The following ANGPT1 variants were observed in gnomAD, a reference collection of about 807,000 sequenced individuals.
ANGPT1 encodes angiopoietin 1, also known as angiopoietin-1.
In ANGPT1, 17 loss-of-function variants were observed where a neutral mutation model predicts 62.2. The observed-to-expected ratio is 0.27, with a 90% CI of 0.19 to 0.41. ANGPT1 has a LOEUF of 0.41. Among genes scored for constraint, ANGPT1 ranks in the 10% least tolerant of loss-of-function variants. ANGPT1 has a pLI of 1.00. For synonymous variants in ANGPT1, 199 were observed against 198.9 expected (o/e 1.00, Z 0.00); for missense variants, 478 against 594.9 (o/e 0.80, Z 2.04).
At chr8:107,431,167 A>G (rs1015613334) in intron 1 of ANGPT1, among the ~76,000 whole-genome samples, 6 of 152,208 alleles carry the variant, frequency 3.9e-5, no homozygotes, top group African/African-American at 1.4e-4. Context: ...TGTGAGAGAG[A>G]GACAGTGTGT....
Position 107,284,694 on chromosome 8 carries a change from T to C in ANGPT1, c.1193A>G (p.Lys398Arg). The C allele has an allele frequency of 2.5e-6, 4 of 1,576,666 alleles. No homozygotes were observed. The highest frequency in any genetic ancestry group is 3.5e-6 in the Non-Finnish European group (4 of 1,157,522). Residue 398 changes from lysine to arginine, a missense_variant, in exon 7 of 9, where the codon AAG becomes AGG. Lys to Arg is a conservative substitution (Grantham distance 26, BLOSUM62 2). Coordinates refer to ENST00000517746, the MANE Select transcript of ANGPT1 (RefSeq NM_001146.5). ...TAGCATGACTTACCTATAGTTTTGCTTTTCATTTCCTATGTGGAATCTGTC... is the reference window on the plus strand; with the variant it reads ...TAGCATGACTTACCTATAGTTTTGCCTTTCATTTCCTATGTGGAATCTGTC... ...QYDRFHIGNE[K>R]QNYRLYLKGH...
At chr8:107,442,651 T>C (rs536150452) in intron 1 of ANGPT1, among the ~76,000 whole-genome samples, 1 of 152,202 alleles carries the variant, frequency 6.6e-6, no homozygotes, top group Non-Finnish European at 1.5e-5. Context: ...ACTCCGTATC[T>C]TCTACCTTCC....
At chr8:107,295,391 T>C (rs1430302706) in intron 5 of ANGPT1, 3 of 152,156 alleles carry the variant, frequency 2.0e-5, no homozygotes. Context: ...AGCTACACTT[T>C]TATTTTCCGT....
chr8:107,469,415 T>C (rs565200699), intron 1 of ANGPT1, among the ~76,000 whole-genome samples: 1 of 152,120 alleles, frequency 6.6e-6, no homozygotes, highest in African/African-American at 2.4e-5. Context: ...TCTAGTGCTT[T>C]ACCACAATGC....
At chr8:107,277,357 T>C (rs896147103) in intron 7 of ANGPT1, among the ~76,000 whole-genome samples, 1 of 152,180 alleles carries the variant, frequency 6.6e-6, no homozygotes, top group African/African-American at 2.4e-5. Context: ...TTTATATAGT[T>C]TTCTTTTAAC....
intron 3 of ANGPT1, among the ~76,000 whole-genome samples, chr8:107,334,971 C>T (rs1410754034): frequency 6.6e-6 from 1 of 152,146 alleles, no homozygotes; most frequent in African/African-American, 2.4e-5. Context: ...GCATGAGTGA[C>T]CCCTTTCAGA....
intron 7 of ANGPT1, among the ~76,000 whole-genome samples, chr8:107,264,612 G>T (rs1334391310): frequency 2.0e-5 from 3 of 152,106 alleles, no homozygotes; most frequent in Non-Finnish European, 4.4e-5. Flanking sequence ...TGGGTTTATT[G>T]TATTAATACA....
At chr8:107,327,725 C>T (rs550625408) in intron 3 of ANGPT1, among the ~76,000 whole-genome samples, 31 of 152,016 alleles carry the variant, frequency 2.0e-4, no homozygotes, top group Non-Finnish European at 3.8e-4. Flanking sequence ...TCCTGTTTCC[C>T]GTCTTTCTGG....
rs540797543 is a variant in ANGPT1, at chr8:107,378,509, T to C, written c.298-31412A>G. Among the ~76,000 whole-genome samples the C allele has an allele frequency of 7.9e-5, 12 of 152,302 alleles. No homozygotes were observed. The South Asian group carries it at 1.9e-3, about 24-fold the overall frequency. On this transcript the variant is annotated intron_variant, in intron 1 of 8. Transcript: ENST00000517746. Reference sequence around the variant, plus strand: ...TATGTTTATGTTTATACACACACCATATATACCTAACTATACTCTATGTAC... The same window carrying C: ...TATGTTTATGTTTATACACACACCACATATACCTAACTATACTCTATGTAC...
At chr8:107,330,980 G>A (rs957841501) in intron 3 of ANGPT1, among the ~76,000 whole-genome samples, 2 of 152,100 alleles carry the variant, frequency 1.3e-5, no homozygotes, top group Non-Finnish European at 2.9e-5. Flanking sequence ...ACAAGAAAAA[G>A]ACTAGAATAA....
At chr8:107,478,889 T>C (rs1812603599) in intron 1 of ANGPT1, among the ~76,000 whole-genome samples, 1 of 152,088 alleles carries the variant, frequency 6.6e-6, no homozygotes, top group African/African-American at 2.4e-5. Flanking sequence ...TGGTTCATAC[T>C]AAGTGCCCAA....
chr8:107,486,779 C>T (rs541716370), intron 1 of ANGPT1, among the ~76,000 whole-genome samples: 1 of 152,282 alleles, frequency 6.6e-6, no homozygotes, highest in African/African-American at 2.4e-5. Flanking sequence ...CACTTCATCA[C>T]TGGGCTGTAC....
intron 1 of ANGPT1, among the ~76,000 whole-genome samples, chr8:107,351,235 T>C (rs968030902): frequency 6.6e-6 from 1 of 151,930 alleles, no homozygotes; most frequent in Non-Finnish European, 1.5e-5. Context: ...AATAAATGAT[T>C]ACTTTCAAGC....
intron 1 of ANGPT1, among the ~76,000 whole-genome samples, chr8:107,470,124 A>T (rs1812310574): frequency 6.6e-6 from 1 of 151,986 alleles, no homozygotes; most frequent in African/African-American, 2.4e-5. Context: ...ATCTGATGTA[A>T]TATTTTTAAA....
intron 7 of ANGPT1, among the ~76,000 whole-genome samples, chr8:107,269,422 T>C (rs1406394949): frequency 6.6e-6 from 1 of 152,104 alleles, no homozygotes; most frequent in Admixed American, 6.6e-5. Context: ...AACTATCATC[T>C]GTGGCTTTCT....
chr8:107,452,771 A>G (rs1811813635), intron 1 of ANGPT1, among the ~76,000 whole-genome samples: 1 of 151,976 alleles, frequency 6.6e-6, no homozygotes, highest in South Asian at 2.1e-4. Context: ...TGGAGATAAT[A>G]ATTTTTATTT....
At position 107,453,312 on chromosome 8, in the gene ANGPT1, C is replaced by T. The variant is rs185604171; in HGVS notation, c.297+43950G>A. Among the ~76,000 whole-genome samples the T allele has an allele frequency of 6.9e-3, 1,044 of 152,076 alleles. 18 individuals carry two copies. Among genetic ancestry groups the T allele is most frequent in the Non-Finnish European group, 6.7e-3 (453 of 67,952 alleles). The stretch of plus-strand genomic sequence containing the variant: ...TTTTAAGTTTATATTAGTCTGTTTT[C>T]ATGCTGCTGATAGAGACATACCTGA... On this transcript the variant is annotated intron_variant, in intron 1 of 8. Coordinates refer to ENST00000517746, the MANE Select transcript of ANGPT1 (RefSeq NM_001146.5).
intron 1 of ANGPT1, among the ~76,000 whole-genome samples, chr8:107,392,244 G>T (rs549948290): frequency 1.7e-4 from 26 of 152,030 alleles, no homozygotes; most frequent in Admixed American, 3.3e-4. Flanking sequence ...GATTTCCGAA[G>T]TTATGTGTCA....
chr8:107,474,979 G>A (rs910434511), intron 1 of ANGPT1, among the ~76,000 whole-genome samples: 2 of 152,174 alleles, frequency 1.3e-5, no homozygotes, highest in Non-Finnish European at 2.9e-5. Context: ...TGGATAGGAA[G>A]AATCAATATT....
Sources: allele counts gnomAD v4.1 joint callset (sites outside exome capture counted in the v4.1 genomes callset), GRCh38; gene constraint gnomAD v4.1.1; transcripts MANE v1.5; gene names NCBI Gene and HGNC (gene_info 2026-07-23, HGNC 2026-07-21).